The following FOXP1 variants were observed in gnomAD, a reference collection of about 807,000 sequenced individuals.
FOXP1 encodes forkhead box protein P1.
FOXP1 carries 15 observed loss-of-function variants against 98.2 expected under a neutral mutation model. That is an observed-to-expected ratio of 0.15 (90% CI 0.10 to 0.24). FOXP1 has a LOEUF of 0.24. FOXP1 is among the 10% of genes least tolerant of loss of function. The probability of loss-of-function intolerance (pLI) is 1.00; values close to 1 mark genes in which losing one functional copy is unlikely to be tolerated. For synonymous variants in FOXP1, 371 were observed against 314.5 expected (o/e 1.18, Z -1.90); for missense variants, 633 against 848.5 (o/e 0.75, Z 3.15).
At chr3:71,470,805 G>A (rs753565241) in intron 3 of FOXP1, among the ~76,000 whole-genome samples, 1 of 152,180 alleles carries the variant, frequency 6.6e-6, no homozygotes, top group South Asian at 2.1e-4. Flanking sequence ...GCTGAACTAG[G>A]AGATCTCATA....
Position 71,575,392 on chromosome 3 carries a change from C to A in FOXP1, c.-298+6157G>T, listed in dbSNP as rs115346738. Among the ~76,000 whole-genome samples, 723 of 152,148 alleles carry A rather than the reference C, an allele frequency of 4.8e-3. 6 individuals are homozygous for A. The highest frequency in any genetic ancestry group is 0.017 in the African/African-American group (698 of 41,484). On this transcript the variant is annotated intron_variant, in intron 2 of 20. Transcript: ENST00000649528. ...GGAAGTTTGTTATAAATGTACGTTACCATGTCAATCAGCAAAAATTCTGAC... is the reference window on the plus strand; with the variant it reads ...GGAAGTTTGTTATAAATGTACGTTAACATGTCAATCAGCAAAAATTCTGAC...
At chr3:71,103,469 C>A (rs924391407) in intron 7 of FOXP1, among the ~76,000 whole-genome samples, 1 of 152,160 alleles carries the variant, frequency 6.6e-6, no homozygotes, top group African/African-American at 2.4e-5. Context: ...TCTGTCTCAC[C>A]GTGTTGTGTG....
At chr3:71,278,958 G>A (rs1321485713) in intron 5 of FOXP1, among the ~76,000 whole-genome samples, 1 of 152,000 alleles carries the variant, frequency 6.6e-6, no homozygotes, top group East Asian at 1.9e-4. Context: ...TTGGGAGGCC[G>A]AGGCGGGTGG....
At chr3:71,005,326 A>AC (rs1559696393) in intron 12 of FOXP1, among the ~76,000 whole-genome samples, 1 of 148,742 alleles carries the variant, frequency 6.7e-6, no homozygotes, top group East Asian at 1.9e-4. Flanking sequence ...AAAAAAAAAA[A>AC]AAAAAAAAAA....
At chr3:71,164,477 G>A (rs1490371792) in intron 6 of FOXP1, among the ~76,000 whole-genome samples, 1 of 152,192 alleles carries the variant, frequency 6.6e-6, no homozygotes, top group East Asian at 1.9e-4. Context: ...GGGATTATAG[G>A]CGTGAGGCAC....
chr3:71,044,469 A>G (rs559286357), intron 10 of FOXP1, among the ~76,000 whole-genome samples: 1 of 152,372 alleles, frequency 6.6e-6, no homozygotes, highest in African/African-American at 2.4e-5. Flanking sequence ...AGACCCTACA[A>G]TAACCTTAAA....
At chr3:71,032,031 G>A (rs1429630536) in intron 11 of FOXP1, among the ~76,000 whole-genome samples, 6 of 152,334 alleles carry the variant, frequency 3.9e-5, no homozygotes, top group East Asian at 3.9e-4. Flanking sequence ...GAGTACATGT[G>A]AGTGTGTGTG....
In FOXP1 at chr3:71,358,927, C is replaced by T. The variant is rs572030697; in HGVS notation, c.-73+223G>A. 4.6e-5 allele frequency among the ~76,000 whole-genome samples: 7 copies of T among 152,280 alleles called. No homozygotes were observed. The East Asian group carries it at 1.3e-3, about 29-fold the overall frequency. Reference sequence around the variant, plus strand: ...TTTTACCAACCCCTGCATTAGGTCACCTTCCCACAAATATGATCCCCGTTA... The same window carrying T: ...TTTTACCAACCCCTGCATTAGGTCATCTTCCCACAAATATGATCCCCGTTA... On this transcript the variant is annotated intron_variant, in intron 4 of 20. Transcript: ENST00000649528.
chr3:71,260,406 T>C (rs1466881961), intron 5 of FOXP1, among the ~76,000 whole-genome samples: 1 of 152,230 alleles, frequency 6.6e-6, no homozygotes, highest in African/African-American at 2.4e-5. Context: ...ATGATTCATT[T>C]TTGCCAACTA....
At chr3:71,301,803 C>T (rs574927397) in intron 4 of FOXP1, among the ~76,000 whole-genome samples, 4 of 152,284 alleles carry the variant, frequency 2.6e-5, no homozygotes, top group African/African-American at 2.4e-5. Flanking sequence ...TTCAGGTAAA[C>T]ACTAGACCTG....
At chr3:71,524,539 TAAA>T (rs35974535) in intron 2 of FOXP1, among the ~76,000 whole-genome samples, 7 of 128,898 alleles carry the variant, frequency 5.4e-5, no homozygotes, top group Non-Finnish European at 8.2e-5. Flanking sequence ...AAATAAATCT[TAAA>T]AAAAAAAAAA....
chr3:71,309,453 T>A (rs2074536527), intron 4 of FOXP1, among the ~76,000 whole-genome samples: 1 of 151,890 alleles, frequency 6.6e-6, no homozygotes, highest in Non-Finnish European at 1.5e-5. Context: ...AGTAAATTCA[T>A]AGCAGAACAC....
chr3:71,446,511 G>A (rs73091728), intron 3 of FOXP1, among the ~76,000 whole-genome samples: 50,182 of 151,688 alleles, frequency 0.33, 9,159 homozygotes, highest in Non-Finnish European at 0.42. Flanking sequence ...CTAGAGATAG[G>A]GCTGAGGTGC....
chr3:71,332,993 C>T (rs181552500), intron 4 of FOXP1: 2 of 152,336 alleles, frequency 1.3e-5, no homozygotes, highest in African/African-American at 4.8e-5. Context: ...ATTTCCCGTT[C>T]CAACAAAGGG....
At chr3:70,986,367 AG>A (rs1361047350) in intron 14 of FOXP1, among the ~76,000 whole-genome samples, 1 of 152,218 alleles carries the variant, frequency 6.6e-6, no homozygotes, top group African/African-American at 2.4e-5. Flanking sequence ...CCCAAGATCC[AG>A]GCCTACAGTG....
At chr3:71,380,263 C>A (rs1255738265) in intron 3 of FOXP1, among the ~76,000 whole-genome samples, 1 of 152,148 alleles carries the variant, frequency 6.6e-6, no homozygotes, top group Non-Finnish European at 1.5e-5. Context: ...CCAAGAACAT[C>A]AGGTTGGCCA....
At chr3:71,080,313 G>GA (rs1371326430) in intron 7 of FOXP1, among the ~76,000 whole-genome samples, 1 of 152,032 alleles carries the variant, frequency 6.6e-6, no homozygotes, top group African/African-American at 2.4e-5. Flanking sequence ...TAAGAGTTTT[G>GA]AAAAAATGCA....
intron 4 of FOXP1, among the ~76,000 whole-genome samples, chr3:71,330,663 C>T (rs568019466): frequency 2.0e-5 from 3 of 152,230 alleles, no homozygotes; most frequent in Admixed American, 6.5e-5. Context: ...AGTAGATTGC[C>T]TTAATAAATT....
chr3:71,302,845 T>C (rs912752517), intron 4 of FOXP1: 2 of 152,244 alleles, frequency 1.3e-5, no homozygotes, highest in Non-Finnish European at 2.9e-5. Flanking sequence ...ACCAAATTTC[T>C]ACTGCGAACT....
Sources: allele counts gnomAD v4.1 joint callset (sites outside exome capture counted in the v4.1 genomes callset), GRCh38; gene constraint gnomAD v4.1.1; transcripts MANE v1.5; gene names NCBI Gene and HGNC (gene_info 2026-07-23, HGNC 2026-07-21).